Variants in SENP7 observed in about 807,000 individuals in gnomAD.
SENP7 encodes the protein SUMO specific peptidase 7.
Under a neutral mutation model 141.2 loss-of-function variants are expected in SENP7, and 64 were observed. The ratio of observed to expected loss-of-function variants is 0.45; its 90% CI spans 0.37 to 0.56. The LOEUF (loss-of-function observed/expected upper bound fraction) is 0.56. Among genes scored for constraint, SENP7 ranks in the 20% least tolerant of loss-of-function variants. The probability of loss-of-function intolerance (pLI) is 0.00; values close to 1 mark genes in which losing one functional copy is unlikely to be tolerated. For synonymous variants in SENP7, 382 were observed against 426.4 expected (o/e 0.90, Z 1.28); for missense variants, 1,025 against 1,212.2 (o/e 0.85, Z 2.29).
At chr3:101,387,320 C>T (rs1302447966) in intron 6 of SENP7, among the ~76,000 whole-genome samples, 10 of 152,092 alleles carry the variant, frequency 6.6e-5, no homozygotes, top group Admixed American at 6.5e-4. Flanking sequence ...CCCCACCCAC[C>T]AACATCACAG....
At chr3:101,383,336 C>T (rs1283412260) in intron 6 of SENP7, among the ~76,000 whole-genome samples, 1 of 152,178 alleles carries the variant, frequency 6.6e-6, no homozygotes, top group Non-Finnish European at 1.5e-5. Flanking sequence ...GCAAAGAGGC[C>T]GGCTGCAGTG....
At chr3:101,475,804 A>C (rs1168732665) in intron 3 of SENP7, among the ~76,000 whole-genome samples, 2 of 152,218 alleles carry the variant, frequency 1.3e-5, no homozygotes, top group Admixed American at 1.3e-4. Flanking sequence ...GCAAGAGAAC[A>C]TAACAATTAT....
At chr3:101,495,019 T>G (rs998342438) in intron 2 of SENP7, among the ~76,000 whole-genome samples, 1 of 152,136 alleles carries the variant, frequency 6.6e-6, no homozygotes, top group African/African-American at 2.4e-5. Context: ...GAGAAAAATT[T>G]GGCAGTCTAT....
chr3:101,400,238 G>C (rs2061095691), intron 5 of SENP7, among the ~76,000 whole-genome samples: 1 of 152,124 alleles, frequency 6.6e-6, no homozygotes, highest in African/African-American at 2.4e-5. Flanking sequence ...TAGATGCCCA[G>C]TTGACTGTTA....
intron 6 of SENP7, among the ~76,000 whole-genome samples, chr3:101,378,992 A>C (rs1348381581): frequency 3.9e-5 from 6 of 152,128 alleles, no homozygotes; most frequent in Non-Finnish European, 8.8e-5. Context: ...CTTTCTGTAA[A>C]GCTACGGTAA....
chr3:101,353,895 T>C (rs2059671406), intron 11 of SENP7, among the ~76,000 whole-genome samples: 1 of 151,950 alleles, frequency 6.6e-6, no homozygotes, highest in Admixed American at 6.6e-5. Context: ...ACATAGTAGG[T>C]AGTCACTGAA....
intron 11 of SENP7, chr3:101,357,739 G>A: frequency 1.5e-6 from 1 of 660,450 alleles, no homozygotes; most frequent in Non-Finnish European, 2.8e-6. Context: ...ACAGACATAA[G>A]ACATACTGGA....
At chr3:101,407,282 T>C (rs533799949) in intron 5 of SENP7, among the ~76,000 whole-genome samples, 11 of 152,110 alleles carry the variant, frequency 7.2e-5, no homozygotes, top group Non-Finnish European at 1.3e-4. Flanking sequence ...CCCAAATTTA[T>C]AAAACAACTA....
chr3:101,420,320 A>T (rs2061751702), intron 4 of SENP7, among the ~76,000 whole-genome samples: 1 of 152,046 alleles, frequency 6.6e-6, no homozygotes, highest in Admixed American at 6.6e-5. Context: ...GTAAGCCGAG[A>T]TTGCGCCACT....
chr3:101,492,205 T>G (rs937665106), intron 3 of SENP7, among the ~76,000 whole-genome samples: 1 of 151,786 alleles, frequency 6.6e-6, no homozygotes, highest in African/African-American at 2.4e-5. Context: ...AAACTTTGTC[T>G]CTGCAAAAAA....
chr3:101,370,164 T>C (rs1269176771), intron 7 of SENP7, among the ~76,000 whole-genome samples: 1 of 152,196 alleles, frequency 6.6e-6, no homozygotes. Flanking sequence ...AACTAAAAAA[T>C]GTTTCTTTTG....
At chr3:101,359,890 T>C (rs1043054370) in intron 11 of SENP7, among the ~76,000 whole-genome samples, 2 of 151,908 alleles carry the variant, frequency 1.3e-5, no homozygotes, top group Non-Finnish European at 2.9e-5. Flanking sequence ...GCATAACATG[T>C]CCACCTGACT....
intron 5 of SENP7, among the ~76,000 whole-genome samples, chr3:101,406,577 A>AT (rs1450807780): frequency 6.6e-6 from 1 of 151,766 alleles, no homozygotes; most frequent in Non-Finnish European, 1.5e-5. Flanking sequence ...AACTTAAAGT[A>AT]TAAAAAAAAA....
chr3:101,480,917 A>G lies in SENP7; in HGVS notation c.186+12956T>C, dbSNP rs567798085. ...CTAGGGAAATGTAAATAAAACCACAATGAGATATCGTCTTATCCCAGTCAG... is the reference window on the plus strand; with the variant it reads ...CTAGGGAAATGTAAATAAAACCACAGTGAGATATCGTCTTATCCCAGTCAG... On this transcript the variant is annotated intron_variant, in intron 3 of 23. Transcript: ENST00000394095. 6.6e-5 allele frequency among the ~76,000 whole-genome samples: 10 copies of G among 152,044 alleles called. No individual in the cohort carries two copies. In the East Asian group the frequency reaches 1.5e-3, roughly 23 times the overall value.
chr3:101,407,741 A>G (rs2061344886), intron 5 of SENP7, among the ~76,000 whole-genome samples: 1 of 152,222 alleles, frequency 6.6e-6, no homozygotes. Flanking sequence ...CAACTGAACA[A>G]CAATAGTGAC....
intron 11 of SENP7, chr3:101,357,497 G>C: frequency 7.1e-7 from 1 of 1,401,030 alleles, no homozygotes; most frequent in Non-Finnish European, 9.6e-7. Context: ...TTTTGCCCAA[G>C]ATCTTTGGCC....
At chr3:101,501,484 G>A (rs2065376133) in intron 1 of SENP7, among the ~76,000 whole-genome samples, 1 of 152,072 alleles carries the variant, frequency 6.6e-6, no homozygotes, top group Non-Finnish European at 1.5e-5. Context: ...TATAATGGGG[G>A]AGGTAGAAGC....
At position 101,367,910 on chromosome 3, in the gene SENP7, T is replaced by C. The variant is rs746793295; in HGVS notation, c.898A>G (p.Arg300Gly). 1 of 1,611,938 alleles carries C rather than the reference T, an allele frequency of 6.2e-7. No homozygotes were observed. Among genetic ancestry groups the C allele is most frequent in the South Asian group, 1.1e-5 (1 of 91,018 alleles). ...TTTCTAAGCCTTCTCTTTGTCTTCC[T>C]GGAAATCAGAGTGAGTTCCACTTTT... ...DSKVELTLIS[R>G]KTKRRLRNNL... The change falls in exon 8 of 24, where the codon AGG (arginine) becomes GGG (glycine). Residue 300 changes from arginine to glycine, a missense_variant. Physicochemically the swap from Arg to Gly is moderately radical, Grantham distance 125. Coordinates refer to ENST00000394095, the MANE Select transcript of SENP7 (RefSeq NM_020654.5).
In SENP7 at chr3:101,417,700, A is replaced by T; in HGVS notation, c.375T>A (p.Cys125Ter). 2 of 1,614,028 alleles carry T rather than the reference A, an allele frequency of 1.2e-6. No individual in the cohort carries two copies. The highest frequency in any genetic ancestry group is 1.7e-6 in the Non-Finnish European group (2 of 1,179,874). Residue 125 changes from cysteine (C) to a stop codon, truncating the protein, a stop_gained, in exon 5 of 24, where the codon TGT becomes TGA. Coordinates refer to ENST00000394095, the MANE Select transcript of SENP7 (RefSeq NM_020654.5). LOFTEE classifies it high-confidence loss of function. ...KTLPRNDANL[C>*]DANKVQSDSL... ...AGTCTGATTGCACCTTGTTGGCATC[A>T]CATAAATTAGCATCGTTTCTAGGTA... is the stretch of plus-strand genomic sequence containing the variant.
Sources: gnomAD v4.1 joint callset for allele counts (sites outside exome capture counted in the v4.1 genomes callset) on GRCh38, gnomAD v4.1.1 for gene constraint, MANE v1.5 for transcripts, NCBI Gene and HGNC (gene_info 2026-07-23, HGNC 2026-07-21) for gene names.